TOP2B: variants seen among roughly 807,000 people sequenced by gnomAD.
The protein encoded by TOP2B is DNA topoisomerase II beta, also known as DNA topoisomerase 2-beta.
In TOP2B, 51 loss-of-function variants were observed where a neutral mutation model predicts 193.5. That is an observed-to-expected ratio of 0.26 (90% CI 0.21 to 0.33). The LOEUF (loss-of-function observed/expected upper bound fraction) is 0.33, where lower values mean the gene tolerates loss of function less well. Ranked by LOEUF, TOP2B falls within the 10% of genes least tolerant of loss-of-function variation. The pLI, the probability that TOP2B is intolerant of heterozygous loss-of-function variation, is 1.00. For synonymous variants in TOP2B, 634 were observed against 635.7 expected (o/e 1.00, Z 0.04); for missense variants, 1,378 against 1,909.3 (o/e 0.72, Z 5.19).
Position 25,633,930 on chromosome 3 carries a change from G to C in TOP2B, c.937C>G (p.Leu313Val). 1.9e-6 allele frequency: 3 copies of C among 1,613,004 alleles called. No homozygotes were observed. The highest frequency in any genetic ancestry group is 2.5e-6 in the Non-Finnish European group (3 of 1,179,320). The change falls in exon 8 of 36, where the codon CTT becomes GTT. Residue 313 changes from leucine (L) to valine (V), a missense_variant. By Grantham distance (32) the Leu-to-Val change is conservative (BLOSUM62 1). Around this residue, in one of 9 missense-constraint regions of TOP2B, gnomAD observed 222 missense variants for 306.6 expected, o/e 0.72. Transcript: ENST00000264331. ...TGVALKVIHE[L>V]ANERWDVCLT... is the part of the protein sequence containing the mutation. ...CAAACATCCCATCTTTCATTTGCAA[G>C]CTCATGAATAACTTTCAGGGCCACC...
chr3:25,607,335 C>G lies in TOP2B; in HGVS notation c.4134G>C (p.Glu1378Asp). Reference protein sequence around the residue: ...PKYTFDFSEEEDDDADDDDDD... With the variant: ...PKYTFDFSEEDDDDADDDDDD... The stretch of plus-strand genomic sequence containing the variant: ...CATCATCATCATCAGCATCATCATC[C>G]TCTTCTTCTGAGAAATCAAATGTGT... Residue 1378 changes from glutamate (E) to aspartate (D), a missense_variant, in exon 31 of 36, where the codon GAG becomes GAC. By Grantham distance (45) the Glu-to-Asp change is conservative. Coordinates refer to ENST00000264331, the MANE Select transcript of TOP2B (RefSeq NM_001330700.2). 6.4e-7 allele frequency: 1 copy of G among 1,551,896 alleles called. No homozygotes were observed. The highest frequency in any genetic ancestry group is 1.2e-5 in the South Asian group (1 of 84,146).
intron 33 of TOP2B, among the ~76,000 whole-genome samples, chr3:25,602,953 C>A (rs918533693): frequency 1.3e-5 from 2 of 152,116 alleles, no homozygotes; most frequent in Non-Finnish European, 2.9e-5. Context: ...GTAAGGGAGG[C>A]TAAAGGAAAG....
At chr3:25,658,130 A>G (rs1453213605) in intron 1 of TOP2B, among the ~76,000 whole-genome samples, 4 of 150,686 alleles carry the variant, frequency 2.7e-5, no homozygotes, top group Non-Finnish European at 5.9e-5. Flanking sequence ...CAGGAGGCTG[A>G]GGCAGGAGAA....
intron 4 of TOP2B, among the ~76,000 whole-genome samples, chr3:25,640,195 A>G (rs575633624): frequency 1.4e-4 from 21 of 152,326 alleles, no homozygotes; most frequent in African/African-American, 4.8e-4. Flanking sequence ...AAAAATGACT[A>G]TGGGACAAAA....
rs778331997 is a variant in TOP2B at position 25,615,302 on chromosome 3, G to C, written c.3508-14C>G. Reference sequence around the variant, plus strand: ...GACCTCTCGCCCCTATAATAAAAAAGTACAGTTTAAACATTCAATAGTTTT... The same window carrying C: ...GACCTCTCGCCCCTATAATAAAAAACTACAGTTTAAACATTCAATAGTTTT... On this transcript the variant is annotated splice_polypyrimidine_tract_variant and intron_variant, in intron 26 of 35. Coordinates refer to ENST00000264331, the MANE Select transcript of TOP2B (RefSeq NM_001330700.2). 1.2e-6 allele frequency: 2 copies of C among 1,600,342 alleles called. No individual in the cohort carries two copies. Among genetic ancestry groups the C allele is most frequent in the Admixed American group, 3.5e-5 (2 of 57,458 alleles).
At chr3:25,612,111 T>C (rs1404574461) in intron 28 of TOP2B, among the ~76,000 whole-genome samples, 1 of 151,840 alleles carries the variant, frequency 6.6e-6, no homozygotes, top group Non-Finnish European at 1.5e-5. Flanking sequence ...CCAGCTAATT[T>C]TTTGTATTTT....
At chr3:25,651,481 C>A (rs1703587918) in intron 1 of TOP2B, among the ~76,000 whole-genome samples, 2 of 148,336 alleles carry the variant, frequency 1.3e-5, no homozygotes, top group African/African-American at 2.5e-5. Context: ...CAAAAGAAGG[C>A]AGCAAGGGAA....
chr3:25,609,125 C>CA, intron 30 of TOP2B, 58 bp downstream of exon 30: 1 of 1,416,602 alleles, frequency 7.1e-7, no homozygotes, highest in Non-Finnish European at 9.5e-7. Context: ...ATAATACTAA[C>CA]AATACCAACG....
intron 1 of TOP2B, among the ~76,000 whole-genome samples, chr3:25,655,838 T>C (rs1703727614): frequency 6.6e-6 from 1 of 152,092 alleles, no homozygotes; most frequent in Non-Finnish European, 1.5e-5. Context: ...ATCAAAATCA[T>C]AGAAACAGAA....
In TOP2B at chr3:25,658,060, C is replaced by CAA. The variant is rs1334572390; in HGVS notation, c.69+6167_69+6168dup. Among the ~76,000 whole-genome samples, 5 of 44,768 alleles carry CAA rather than the reference C, an allele frequency of 1.1e-4. 1 individual carries two copies. The highest frequency in any genetic ancestry group is 5.1e-4 in the African/African-American group (4 of 7,918). The allele number at this position is 44,768 out of a possible 152,430, so 29.4% of individuals were successfully genotyped here. On this transcript the variant is annotated intron_variant, in intron 1 of 35. Transcript: ENST00000264331. ...TGGGCGACAGAGCGAGACTCCGTCT[C>CAA]AAAAAAAAAAAAAAAAAATTAGCTG... is the stretch of plus-strand genomic sequence containing the variant.
intron 15 of TOP2B, among the ~76,000 whole-genome samples, chr3:25,628,059 T>C (rs1269392084): frequency 3.1e-5 from 3 of 95,834 alleles, no homozygotes; most frequent in African/African-American, 1.2e-4. Flanking sequence ...CTCAAAAAAA[T>C]AAAAACAATT....
chr3:25,615,529 T>A lies in TOP2B; in HGVS notation c.3409A>T (p.Thr1137Ser). 1 of 1,576,320 alleles carries A rather than the reference T, an allele frequency of 6.3e-7. No homozygotes were observed. Among genetic ancestry groups the A allele is most frequent in the African/African-American group, 1.4e-5 (1 of 73,636 alleles). The change falls in exon 26 of 36, where the codon ACT (threonine) becomes TCT (serine). Residue 1137 changes from threonine (T) to serine (S), a missense_variant. Thr to Ser is a moderately conservative substitution (Grantham distance 58). This residue lies in a region of TOP2B where 556 missense variants were observed against 584.2 expected (regional missense o/e 0.95). Transcript: ENST00000264331. ...QHDDSSSDSG[T>S]PSGPDFNYIL... ...TAATTAAAATCTGGGCCTGAAGGAG[T>A]TCCTGAATCGGAGGAACTATCATCA...
intron 21 of TOP2B, among the ~76,000 whole-genome samples, chr3:25,622,025 T>C (rs956867203): frequency 6.6e-6 from 1 of 151,772 alleles, no homozygotes; most frequent in East Asian, 1.9e-4. Context: ...ATTGAGCATA[T>C]AGCATAGGAC....
chr3:25,621,288 T>A (rs1702651674), intron 21 of TOP2B, among the ~76,000 whole-genome samples: 1 of 152,294 alleles, frequency 6.6e-6, no homozygotes, highest in Non-Finnish European at 1.5e-5. Flanking sequence ...CCCAACCCCA[T>A]TCCATTCATC....
At chr3:25,643,873 A>T (rs1703334221) in intron 2 of TOP2B, 89 bp from the exon 3 acceptor site, 1 of 888,068 alleles carries the variant, frequency 1.1e-6, no homozygotes, top group Non-Finnish European at 1.8e-6. Context: ...CATTTACACT[A>T]TATGAATACT....
At chr3:25,660,331 T>A (rs1703872172) in intron 1 of TOP2B, among the ~76,000 whole-genome samples, 2 of 152,188 alleles carry the variant, frequency 1.3e-5, no homozygotes, top group South Asian at 2.1e-4. Flanking sequence ...GGAAAATACA[T>A]GCTCTCTAAC....
intron 4 of TOP2B, among the ~76,000 whole-genome samples, chr3:25,640,605 T>G (rs976893710): frequency 1.3e-5 from 2 of 151,970 alleles, no homozygotes; most frequent in African/African-American, 4.8e-5. Flanking sequence ...AAAAACAGAG[T>G]ATAAAATGAA....
At chr3:25,641,295 T>G (rs1703256939) in intron 4 of TOP2B, among the ~76,000 whole-genome samples, 1 of 152,090 alleles carries the variant, frequency 6.6e-6, no homozygotes, top group South Asian at 2.1e-4. Flanking sequence ...TTGAAAAAAA[T>G]TCAAAGATAT....
At chr3:25,628,000 C>T (rs190902819) in intron 15 of TOP2B, among the ~76,000 whole-genome samples, 2 of 150,168 alleles carry the variant, frequency 1.3e-5, no homozygotes, top group African/African-American at 2.5e-5. Flanking sequence ...GGAAGAGAGC[C>T]GAGATCCCAC....
Sources: gnomAD v4.1 joint callset for allele counts (sites outside exome capture counted in the v4.1 genomes callset) on GRCh38, gnomAD v4.1.1 for gene constraint, gnomAD v4.1.1 regional missense constraint, MANE v1.5 for transcripts, NCBI Gene and HGNC (gene_info 2026-07-23, HGNC 2026-07-21) for gene names.